Variants in GABRB2 observed in about 807,000 individuals in gnomAD.
GABRB2 encodes gamma-aminobutyric acid receptor subunit beta-2.
Under a neutral mutation model 54.7 loss-of-function variants are expected in GABRB2, and 16 were observed. The ratio of observed to expected loss-of-function variants is 0.29; its 90% confidence interval spans 0.20 to 0.44. The LOEUF is 0.44. GABRB2 is among the 20% of genes least tolerant of loss of function. GABRB2 has a pLI of 1.00. For synonymous variants in GABRB2, 244 were observed against 233.8 expected (o/e 1.04, Z -0.40); for missense variants, 355 against 644.0 (o/e 0.55, Z 4.86).
intron 9 of GABRB2, among the ~76,000 whole-genome samples, chr5:161,312,211 A>C (rs1484906905): frequency 1.3e-5 from 2 of 152,206 alleles, no homozygotes; most frequent in African/African-American, 4.8e-5. Context: ...GAATTACCCC[A>C]GTGAGTATTC....
intron 3 of GABRB2, among the ~76,000 whole-genome samples, chr5:161,516,099 T>C (rs1759938463): frequency 1.3e-5 from 2 of 152,206 alleles, no homozygotes; most frequent in African/African-American, 4.8e-5. Context: ...TTACTTTATC[T>C]CTCACCTTTA....
chr5:161,407,048 C>T (rs1277959993), intron 5 of GABRB2, among the ~76,000 whole-genome samples: 1 of 152,022 alleles, frequency 6.6e-6, no homozygotes, highest in Non-Finnish European at 1.5e-5. Context: ...AATGAATGAA[C>T]AAGAAATGAT....
At chr5:161,438,822 T>A (rs1184310427) in intron 4 of GABRB2, among the ~76,000 whole-genome samples, 1 of 151,882 alleles carries the variant, frequency 6.6e-6, no homozygotes, top group Non-Finnish European at 1.5e-5. Context: ...ATTAGTGAGC[T>A]TGAAAACAAG....
rs538734649 is a variant in GABRB2, at chr5:161,326,490, C to T, written c.1078-9G>A. The T allele has an allele frequency of 9.4e-5, 152 of 1,611,594 alleles. 3 individuals are homozygous for T. In the South Asian group the frequency reaches 1.1e-3, roughly 11 times the overall value. On this transcript the variant is annotated splice_polypyrimidine_tract_variant and intron_variant, in intron 8 of 9. Transcript: ENST00000393959. ...ATATCTTTATAAAAAATCTGGAAGACAAAGTAGAGAATGTGCTAATTAAGT... is the reference window on the plus strand; with the variant it reads ...ATATCTTTATAAAAAATCTGGAAGATAAAGTAGAGAATGTGCTAATTAAGT...
chr5:161,367,100 G>A (rs1195964492), intron 5 of GABRB2, among the ~76,000 whole-genome samples: 1 of 152,126 alleles, frequency 6.6e-6, no homozygotes. Context: ...AAATCTGTGA[G>A]AGACAATAAC....
upstream of GABRB2, chr5:161,547,883 C>A (rs1302395039): frequency 6.6e-6 from 1 of 152,204 alleles, no homozygotes; most frequent in African/African-American, 2.4e-5. Context: ...CGCCATCCCT[C>A]CTTACCTCGC....
chr5:161,387,819 C>G (rs547546658), intron 5 of GABRB2, among the ~76,000 whole-genome samples: 4 of 152,026 alleles, frequency 2.6e-5, no homozygotes, highest in Non-Finnish European at 4.4e-5. Context: ...TAGACTAGCA[C>G]GTCTAGAAAT....
At chr5:161,452,873 G>T (rs1445070611) in intron 4 of GABRB2, among the ~76,000 whole-genome samples, 6 of 152,136 alleles carry the variant, frequency 3.9e-5, no homozygotes, top group Admixed American at 3.3e-4. Context: ...GCACATGCCT[G>T]TAGGTCCAGC....
intron 4 of GABRB2, among the ~76,000 whole-genome samples, chr5:161,414,366 T>G (rs1756602932): frequency 2.0e-5 from 3 of 152,244 alleles, no homozygotes; most frequent in African/African-American, 4.8e-5. Flanking sequence ...TATGCAACTT[T>G]TTTTATAGTT....
chr5:161,482,393 C>T (rs550802519), intron 3 of GABRB2, among the ~76,000 whole-genome samples: 3 of 152,052 alleles, frequency 2.0e-5, no homozygotes, highest in Non-Finnish European at 2.9e-5. Flanking sequence ...TTACCTGTGA[C>T]GATTTTCAAA....
chr5:161,442,763 T>A (rs1757504132), intron 4 of GABRB2, among the ~76,000 whole-genome samples: 1 of 150,986 alleles, frequency 6.6e-6, no homozygotes, highest in Non-Finnish European at 1.5e-5. Context: ...TCTCTCTCTC[T>A]TTCTTTTTTT....
At chr5:161,442,757 T>C (rs1359510793) in intron 4 of GABRB2, among the ~76,000 whole-genome samples, 5 of 151,426 alleles carry the variant, frequency 3.3e-5, no homozygotes, top group Admixed American at 1.3e-4. Context: ...ATTCTCTCTC[T>C]CTCTCTTTCT....
chr5:161,344,329 A>C (rs1754256104), intron 5 of GABRB2, among the ~76,000 whole-genome samples: 1 of 152,082 alleles, frequency 6.6e-6, no homozygotes. Flanking sequence ...GCTAGGTCCA[A>C]AATTTTTCTG....
intron 3 of GABRB2, among the ~76,000 whole-genome samples, chr5:161,473,190 C>T (rs1001175717): frequency 5.3e-5 from 8 of 151,950 alleles, no homozygotes; most frequent in African/African-American, 1.9e-4. Context: ...TCCAAATTCT[C>T]TATTAAACAT....
intron 5 of GABRB2, among the ~76,000 whole-genome samples, chr5:161,404,352 T>A (rs2113092027): frequency 1.3e-5 from 2 of 152,218 alleles, no homozygotes; most frequent in African/African-American, 4.8e-5. Flanking sequence ...GTGCTTTGCT[T>A]TTTTTTCAAT....
chr5:161,395,479 A>G (rs1171741132), intron 5 of GABRB2, among the ~76,000 whole-genome samples: 1 of 152,156 alleles, frequency 6.6e-6, no homozygotes, highest in African/African-American at 2.4e-5. Context: ...AATGATTAAG[A>G]AAATAATCAT....
At chr5:161,528,738 A>C (rs1038464419) in intron 3 of GABRB2, among the ~76,000 whole-genome samples, 1 of 151,920 alleles carries the variant, frequency 6.6e-6, no homozygotes, top group Non-Finnish European at 1.5e-5. Context: ...CATATGGTAC[A>C]TCTAAAATGA....
At chr5:161,523,516 A>AGG (rs1760179837) in intron 3 of GABRB2, among the ~76,000 whole-genome samples, 1 of 151,368 alleles carries the variant, frequency 6.6e-6, no homozygotes, top group Non-Finnish European at 1.5e-5. Context: ...CTTACATCTG[A>AGG]AATTACAACA....
chr5:161,297,341 G>C (rs1757407532), intron 9 of GABRB2, among the ~76,000 whole-genome samples: 1 of 152,086 alleles, frequency 6.6e-6, no homozygotes, highest in South Asian at 2.1e-4. Flanking sequence ...ATGCAGGTTT[G>C]TTACATAGGT....
Sources: gnomAD v4.1 joint callset for allele counts (sites outside exome capture counted in the v4.1 genomes callset) on GRCh38, gnomAD v4.1.1 for gene constraint, MANE v1.5 for transcripts, NCBI Gene and HGNC (gene_info 2026-07-23, HGNC 2026-07-21) for gene names.